The following CATSPERB variants were observed in gnomAD, a reference collection of about 807,000 sequenced individuals.
CATSPERB encodes cation channel sperm-associated auxiliary subunit beta.
CATSPERB carries 93 observed loss-of-function variants against 128.3 expected under a neutral mutation model. The ratio of observed to expected loss-of-function variants is 0.72; its 90% CI spans 0.61 to 0.86. CATSPERB has a LOEUF of 0.86. CATSPERB is among the 40% of genes least tolerant of loss of function. The probability of loss-of-function intolerance (pLI) is 0.00; values close to 1 mark genes in which losing one functional copy is unlikely to be tolerated. For missense variants in CATSPERB, 1,153 were observed against 1,329.5 expected, an observed-to-expected ratio of 0.87 and a Z score of 2.06; for synonymous variants, 381 against 448.8, an observed-to-expected ratio of 0.85 and a Z score of 1.91.
chr14:91,693,393 G>A lies in CATSPERB; in HGVS notation c.703C>T (p.Leu235Phe). 1 of 1,613,254 alleles carries A rather than the reference G, an allele frequency of 6.2e-7. No homozygotes were observed. The highest frequency in any genetic ancestry group is 8.5e-7 in the Non-Finnish European group (1 of 1,179,294). The change falls in exon 8 of 27, where the codon CTT becomes TTT. Residue 235 changes from leucine to phenylalanine, a missense_variant. Physicochemically the swap from Leu to Phe is conservative, Grantham distance 22 (BLOSUM62 0). Transcript: ENST00000256343. Reference sequence around the variant, plus strand: ...ATGTTAGAGGAGTTACCTTCTTGAAGTTGGGAATAGATAGTCTGTGTCATG... The same window carrying A: ...ATGTTAGAGGAGTTACCTTCTTGAAATTGGGAATAGATAGTCTGTGTCATG... ...FNMTQTIYSQ[L>F]QEEYEDLSLV...
At chr14:91,644,616 C>A (rs1315158609) in intron 15 of CATSPERB, among the ~76,000 whole-genome samples, 1 of 86,248 alleles carries the variant, frequency 1.2e-5, no homozygotes, top group Non-Finnish European at 2.3e-5. Flanking sequence ...GAGGGTAACC[C>A]GACCTTTCTC....
At chr14:91,663,644 CAAAAAAAA>C (rs34498815) in intron 14 of CATSPERB, among the ~76,000 whole-genome samples, 4 of 86,752 alleles carry the variant, frequency 4.6e-5, no homozygotes, top group South Asian at 8.6e-4. Flanking sequence ...GACTCCGTCT[CAAAAAAAA>C]AAAAAAAAAA....
Position 91,630,153 on chromosome 14 carries a change from T to C in CATSPERB, c.1743-5146A>G, listed in dbSNP as rs548289371. 3.3e-5 allele frequency among the ~76,000 whole-genome samples: 5 copies of C among 152,350 alleles called. No individual in the cohort carries two copies. The South Asian group carries it at 8.3e-4, about 25-fold the overall frequency. ...CAAGTCTCTGCAGCATGCATCACAG[T>C]TGATCACTCCATACTTTCTAAACAC... On this transcript the variant is annotated intron_variant, in intron 17 of 26. Coordinates refer to ENST00000256343, the MANE Select transcript of CATSPERB (RefSeq NM_024764.4).
At chr14:91,622,814 A>T (rs1433694064) in intron 18 of CATSPERB, among the ~76,000 whole-genome samples, 2 of 151,520 alleles carry the variant, frequency 1.3e-5, no homozygotes, top group Non-Finnish European at 2.9e-5. Context: ...CTCTCCTCTC[A>T]TAATTTTTCG....
At position 91,650,246 on chromosome 14, in the gene CATSPERB, A is replaced by G. The variant is rs576258209; in HGVS notation, c.1432+9591T>C. On this transcript the variant is annotated intron_variant, in intron 15 of 26. Transcript: ENST00000256343. ...TCACTTTAACTGAGCTTCCTAGATC[A>G]TTGGTGCAATACATGTTGAGTTTTA... is the stretch of plus-strand genomic sequence containing the variant. 2.2e-4 allele frequency among the ~76,000 whole-genome samples: 33 copies of G among 152,318 alleles called. No homozygotes were observed. The East Asian group carries it at 5.0e-3, about 23-fold the overall frequency.
rs750984485 is a variant in CATSPERB, at chr14:91,581,067, G to A, written c.3173C>T (p.Thr1058Met). 36 of 1,614,052 alleles carry A rather than the reference G, an allele frequency of 2.2e-5. No homozygotes were observed. Among genetic ancestry groups the A allele is most frequent in the East Asian group, 2.2e-4 (10 of 44,900 alleles). The change falls in exon 27 of 27, where the codon ACG becomes ATG. Residue 1058 changes from threonine to methionine, a missense_variant. Transcript: ENST00000256343. Reference protein sequence around the residue: ...DEAPLPFPGHTLIAVATAVVL... With the variant: ...DEAPLPFPGHMLIAVATAVVL... ...TACCGCTGTTGCCACGGCAATAAGC[G>A]TGTGTCCTGGGAATGGCAATGGTGC...
intron 14 of CATSPERB, among the ~76,000 whole-genome samples, chr14:91,661,030 A>C (rs1349669083): frequency 6.6e-6 from 1 of 152,170 alleles, no homozygotes; most frequent in Non-Finnish European, 1.5e-5. Flanking sequence ...CTGAATACAC[A>C]TAGGTGCTTC....
intron 19 of CATSPERB, among the ~76,000 whole-genome samples, chr14:91,620,811 G>A (rs1894028311): frequency 6.6e-6 from 1 of 152,162 alleles, no homozygotes; most frequent in Non-Finnish European, 1.5e-5. Flanking sequence ...CAGTGCCTGT[G>A]TATATGTGGG....
chr14:91,709,222 T>C (rs985395195), intron 5 of CATSPERB: 1 of 152,172 alleles, frequency 6.6e-6, no homozygotes, highest in Non-Finnish European at 1.5e-5. Context: ...TTGGGAGAGA[T>C]AATGGCTACA....
intron 11 of CATSPERB, among the ~76,000 whole-genome samples, chr14:91,680,343 G>C (rs1344546557): frequency 6.6e-6 from 1 of 152,148 alleles, no homozygotes; most frequent in Non-Finnish European, 1.5e-5. Flanking sequence ...GGCTGGTTTT[G>C]AGGCATAAAC....
At chr14:91,727,037 A>G (rs906070931) in intron 2 of CATSPERB, among the ~76,000 whole-genome samples, 1 of 152,184 alleles carries the variant, frequency 6.6e-6, no homozygotes, top group Non-Finnish European at 1.5e-5. Context: ...TTCAATTATA[A>G]AATAAGAGTT....
chr14:91,608,937 C>T (rs935098154), intron 21 of CATSPERB, among the ~76,000 whole-genome samples: 7 of 152,110 alleles, frequency 4.6e-5, no homozygotes, highest in African/African-American at 1.7e-4. Context: ...CAAAACTTAA[C>T]CATTAATAGC....
At chr14:91,590,414 C>G (rs1056939466) in intron 23 of CATSPERB, among the ~76,000 whole-genome samples, 13 of 152,000 alleles carry the variant, frequency 8.6e-5, no homozygotes, top group South Asian at 6.2e-4. Flanking sequence ...ACCTATAGTC[C>G]CAGCTACTTG....
At chr14:91,713,471 T>G (rs1005923627) in intron 5 of CATSPERB, among the ~76,000 whole-genome samples, 2 of 152,148 alleles carry the variant, frequency 1.3e-5, no homozygotes. Flanking sequence ...TAACTCATGT[T>G]AGAGATAAAA....
chr14:91,636,568 C>T lies in CATSPERB; in HGVS notation c.1599G>A (p.Met533Ile). The change falls in exon 17 of 27, where the codon ATG becomes ATA. Residue 533 changes from methionine (M) to isoleucine (I), a missense_variant. Coordinates refer to ENST00000256343, the MANE Select transcript of CATSPERB (RefSeq NM_024764.4). Reference sequence around the variant, plus strand: ...GTGGGGCAAGCGCAGTCTCAAAGCCCATATCTGGAGGCTGGAAACAGAGAA... The same window carrying T: ...GTGGGGCAAGCGCAGTCTCAAAGCCTATATCTGGAGGCTGGAAACAGAGAA... ...SRNLFGQPPD[M>I]GFETALAPQH... 1 of 1,612,496 alleles carries T rather than the reference C, an allele frequency of 6.2e-7. No homozygotes were observed. The highest frequency in any genetic ancestry group is 8.5e-7 in the Non-Finnish European group (1 of 1,179,344).
chr14:91,694,969 A>G (rs1321527405), intron 7 of CATSPERB, among the ~76,000 whole-genome samples: 2 of 152,144 alleles, frequency 1.3e-5, no homozygotes, highest in Non-Finnish European at 2.9e-5. Flanking sequence ...AACGAGTCAT[A>G]TTTTGAAGTG....
chr14:91,587,929 C>T (rs747337132), intron 25 of CATSPERB, 49 bp downstream of exon 25: 3 of 1,162,942 alleles, frequency 2.6e-6, no homozygotes, highest in Non-Finnish European at 1.3e-6. Flanking sequence ...TTTAGACATA[C>T]ATGTTTTATC....
At chr14:91,659,799 A>G (rs754030282) in intron 15 of CATSPERB, 38 bp downstream of exon 15, 4 of 1,573,874 alleles carry the variant, frequency 2.5e-6, no homozygotes, top group African/African-American at 1.4e-5. Context: ...ATCCTGGGCC[A>G]CATGTAATGC....
intron 5 of CATSPERB, among the ~76,000 whole-genome samples, chr14:91,712,287 T>C (rs1343010487): frequency 6.6e-6 from 1 of 152,186 alleles, no homozygotes; most frequent in Non-Finnish European, 1.5e-5. Context: ...TAAGTTTCTA[T>C]GGCATATATC....
Sources: allele counts gnomAD v4.1 joint callset (sites outside exome capture counted in the v4.1 genomes callset), GRCh38; gene constraint gnomAD v4.1.1; transcripts MANE v1.5; gene names NCBI Gene and HGNC (gene_info 2026-07-23, HGNC 2026-07-21).